Variants in TMED4 observed in about 807,000 individuals in gnomAD.
TMED4 encodes the protein transmembrane p24 trafficking protein 4, also known as transmembrane emp24 domain-containing protein 4.
A neutral mutation model predicts 26.5 loss-of-function variants in TMED4; 19 were observed. The ratio of observed to expected loss-of-function variants is 0.72; its 90% confidence interval spans 0.50 to 1.05. The LOEUF (loss-of-function observed/expected upper bound fraction) is 1.05. Ranked by LOEUF, TMED4 falls within the 50% of genes least tolerant of loss-of-function variation. The pLI is 0.00. For missense variants in TMED4, 303 were observed against 302.5 expected, an observed-to-expected ratio of 1.00 and a Z score of -0.01; for synonymous variants, 121 against 119.8, an observed-to-expected ratio of 1.01 and a Z score of -0.07.
rs375404719 is a variant in TMED4, at chr7:44,581,080, G to C, written c.534+13C>G. 7 of 1,614,012 alleles carry C rather than the reference G, an allele frequency of 4.3e-6. No homozygotes were observed. In the African/African-American group the frequency reaches 8.0e-5, roughly 18 times the overall value. On this transcript the variant is annotated intron_variant, in intron 4 of 4. Transcript: ENST00000457408. ...CAACTGCCCTCTCAAATTACAAGGA[G>C]ATATGCACTTGCCCTTTGGTAATCC...
rs1346199625 is a variant in TMED4, at chr7:44,578,863, A to T, written c.*616T>A. 1 of 120,718 alleles carries T rather than the reference A, an allele frequency of 8.3e-6. No homozygotes were observed. Among genetic ancestry groups the T allele is most frequent in the Non-Finnish European group, 1.6e-5 (1 of 60,674 alleles). The allele number at this position is 120,718 out of a possible 1,614,324, so 7.5% of individuals were successfully genotyped here. A position where few individuals can be genotyped will look rare whatever the true frequency, so the allele number is the denominator to read the frequency against. On this transcript the variant is annotated 3_prime_UTR_variant, in exon 5 of 5. Coordinates refer to ENST00000457408, the MANE Select transcript of TMED4 (RefSeq NM_182547.4). ...GCCTGGGCGACAAGAGCAAAACTCAAAAAAAAAAAAAAAAAAAAAAAAGGA... is the reference window on the plus strand; with the variant it reads ...GCCTGGGCGACAAGAGCAAAACTCATAAAAAAAAAAAAAAAAAAAAAAGGA...
chr7:44,581,435 G>A lies in TMED4; in HGVS notation c.387+14C>T. The A allele has an allele frequency of 6.2e-7, 1 of 1,614,126 alleles. No individual in the cohort carries two copies. The highest frequency in any genetic ancestry group is 8.5e-7 in the Non-Finnish European group (1 of 1,180,054). ...AGAGATTCTAAGCTGAAGCCAAAGAGAAAATCCTCTTACCAGTTTGCCACC... is the reference window on the plus strand; with the variant it reads ...AGAGATTCTAAGCTGAAGCCAAAGAAAAAATCCTCTTACCAGTTTGCCACC... On this transcript the variant is annotated intron_variant, in intron 3 of 4. Transcript: ENST00000457408.
chr7:44,581,771 C>G lies in TMED4; in HGVS notation c.213G>C (p.Ser71=), dbSNP rs747954933. ...WDKQKEVFLP[S]TPGLGMHVEV... ...CCACGTGCATGCCCAGGCCAGGGGTCGAGGGCAGGAAGACCTCCTTCTGCT... is the reference window on the plus strand; with the variant it reads ...CCACGTGCATGCCCAGGCCAGGGGTGGAGGGCAGGAAGACCTCCTTCTGCT... The change falls in exon 2 of 5, where the codon TCG becomes TCC. Residue 71 remains serine (S), a synonymous_variant. Transcript: ENST00000457408. 36 of 1,614,178 alleles carry G rather than the reference C, an allele frequency of 2.2e-5. No homozygotes were observed. The highest frequency in any genetic ancestry group is 3.0e-5 in the Non-Finnish European group (35 of 1,180,032).
At chr7:44,581,602 C>T (rs1802999482) in intron 2 of TMED4, 28 bp from the exon 3 acceptor site, 1 of 1,614,026 alleles carries the variant, frequency 6.2e-7, no homozygotes, top group Admixed American at 1.7e-5. Flanking sequence ...GAAGGCCCCA[C>T]CTTTATACCG....
In TMED4 at chr7:44,581,736, T is replaced by C. The variant is rs1361105976; in HGVS notation, c.248A>G (p.Asp83Gly). Residue 83 changes from aspartate (D) to glycine (G), a missense_variant, in exon 2 of 5, where the codon GAC (aspartate) becomes GGC (glycine). By Grantham distance (94) the Asp-to-Gly change is moderately conservative. Transcript: ENST00000457408. ...CGCCAGCCTTACCTTGCCGTCGGGG[T>C]CCTTCACTTCCACGTGCATGCCCAG... ...PGLGMHVEVK[D>G]PDGKVVLSRQ... 4 of 1,613,966 alleles carry C rather than the reference T, an allele frequency of 2.5e-6. No homozygotes were observed. In the Admixed American group the frequency reaches 6.7e-5, roughly 27 times the overall value.
chr7:44,581,202 T>A lies in TMED4; in HGVS notation c.425A>T (p.Asn142Ile). 1 of 1,614,122 alleles carries A rather than the reference T, an allele frequency of 6.2e-7. No homozygotes were observed. The highest frequency in any genetic ancestry group is 1.1e-5 in the South Asian group (1 of 91,080). ...TTTTGCAGCAATCTCAGGGTAGTTGTTGGCATGCTCCCCAACCTGGATGTC... is the reference window on the plus strand; with the variant it reads ...TTTTGCAGCAATCTCAGGGTAGTTGATGGCATGCTCCCCAACCTGGATGTC... ...HLDIQVGEHANNYPEIAAKDK... is the reference protein window; with the variant it reads ...HLDIQVGEHAINYPEIAAKDK... The change falls in exon 4 of 5, where the codon AAC (asparagine) becomes ATC (isoleucine). Residue 142 changes from asparagine (N) to isoleucine (I), a missense_variant. Transcript: ENST00000457408.
At chr7:44,580,592 TATAGA>T (rs1170305443) in intron 4 of TMED4, 2 of 161,118 alleles carry the variant, frequency 1.2e-5, no homozygotes, top group Non-Finnish European at 2.7e-5. Context: ...CACTGAACTA[TATAGA>T]CAGTTAAAAT....
In TMED4 at chr7:44,582,220, C is replaced by T. The variant is rs908325232; in HGVS notation, c.-14G>A. On this transcript the variant is annotated 5_prime_UTR_variant, in exon 1 of 5. Coordinates refer to ENST00000457408, the MANE Select transcript of TMED4 (RefSeq NM_182547.4). ...GACACCTGCCATCGCGCCTCAGCCCCTAAGCGCCTGCGCACATTTGCGCAT... is the reference window on the plus strand; with the variant it reads ...GACACCTGCCATCGCGCCTCAGCCCTTAAGCGCCTGCGCACATTTGCGCAT... 13 of 1,534,748 alleles carry T rather than the reference C, an allele frequency of 8.5e-6. No individual in the cohort carries two copies. Among genetic ancestry groups the T allele is most frequent in the African/African-American group, 1.4e-5 (1 of 71,958 alleles).
At chr7:44,581,874 C>T in intron 1 of TMED4, 51 bp from the exon 2 acceptor site, 1 of 1,598,266 alleles carries the variant, frequency 6.3e-7, no homozygotes, top group East Asian at 2.2e-5. Context: ...CGCCTCTCCG[C>T]CCGGCCCCCT....
rs372653488 is a variant in TMED4, at chr7:44,582,009, T to C, written c.160+38A>G. 1.2e-4 allele frequency: 191 copies of C among 1,534,270 alleles called. 1 individual carries two copies. The African/African-American group carries it at 1.4e-3, about 12-fold the overall frequency. ...GAGGGAGCGCCGCCGAGGGCTGAGC[T>C]GGGTACAAAGGGCCTCCCCACCCTC... On this transcript the variant is annotated intron_variant, in intron 1 of 4. Transcript: ENST00000457408.
rs751390009 is a variant in TMED4 at position 44,579,599 on chromosome 7, G to A, written c.564C>T (p.Ser188=). ...RYREERFRLT[S]ESTNQRVLWW... is the part of the protein sequence containing the mutation. ...ATAGGACCCTCTGGTTGGTGCTCTC[G>A]CTCGTCAGTCGGAAGCGCTCTTCAC... The change falls in exon 5 of 5, where the codon AGC becomes AGT. Residue 188 remains serine (S), a synonymous_variant. Transcript: ENST00000457408. The A allele has an allele frequency of 3.5e-5, 56 of 1,613,928 alleles. No homozygotes were observed. The highest frequency in any genetic ancestry group is 3.6e-5 in the Non-Finnish European group (42 of 1,179,972).
Position 44,579,469 on chromosome 7 carries a change from A to G in TMED4, c.*10T>C, listed in dbSNP as rs1802912228. On this transcript the variant is annotated 3_prime_UTR_variant, in exon 5 of 5. Coordinates refer to ENST00000457408, the MANE Select transcript of TMED4 (RefSeq NM_182547.4). ...ATGAGGTAAAAAGGAAGGGTCATACAAAGAGGGCACTACACCAGCTTCTTG... is the reference window on the plus strand; with the variant it reads ...ATGAGGTAAAAAGGAAGGGTCATACGAAGAGGGCACTACACCAGCTTCTTG... 1.9e-6 allele frequency: 3 copies of G among 1,611,462 alleles called. No homozygotes were observed. In the East Asian group the frequency reaches 6.7e-5, roughly 36 times the overall value.
In TMED4 at chr7:44,581,577, G is replaced by T; in HGVS notation, c.262-3C>A. On this transcript the variant is annotated splice_region_variant and splice_polypyrimidine_tract_variant and intron_variant, in intron 2 of 4. Transcript: ENST00000457408. ...CCGTACTGCCGGGACAGCACCACCT[G>T]CAACATATGTGAGTGAAGGCCCCAC... The T allele has an allele frequency of 6.2e-7, 1 of 1,614,172 alleles. No individual in the cohort carries two copies. The highest frequency in any genetic ancestry group is 8.5e-7 in the Non-Finnish European group (1 of 1,180,032).
rs755093753 is a variant in TMED4 at position 44,582,116 on chromosome 7, A to G, written c.91T>C (p.Tyr31His). The change falls in exon 1 of 5, where the codon TAC becomes CAC. Residue 31 changes from tyrosine to histidine, a missense_variant. Tyr to His is a moderately conservative substitution (Grantham distance 83). Transcript: ENST00000457408. ...TTCTCGGTCTCGCCGATGTGGAAGT[A>G]GAGCCCCTGGGCGCCTGTGGCGCAC... The part of the protein sequence containing the change: ...ALCATGAQGL[Y>H]FHIGETEKRC... 1 of 1,557,976 alleles carries G rather than the reference A, an allele frequency of 6.4e-7. No homozygotes were observed. The highest frequency in any genetic ancestry group is 1.9e-5 in the Admixed American group (1 of 51,686).
chr7:44,579,739 T>G, intron 4 of TMED4, 111 bp from the exon 5 acceptor site: 1 of 1,171,672 alleles, frequency 8.5e-7, no homozygotes, highest in Non-Finnish European at 1.2e-6. Flanking sequence ...TTTGGAATAC[T>G]ATCTGTGACT....
At chr7:44,581,983 G>A (rs1488760279) in intron 1 of TMED4, 64 bp downstream of exon 1, 2 of 1,523,456 alleles carry the variant, frequency 1.3e-6, no homozygotes, top group East Asian at 2.4e-5. Context: ...GGGCTCGGGA[G>A]GAGGGAGCGC....
intron 1 of TMED4, 107 bp downstream of exon 1, chr7:44,581,940 A>G: frequency 6.4e-7 from 1 of 1,551,444 alleles, no homozygotes; most frequent in Non-Finnish European, 8.8e-7. Context: ...GGGCACCCTC[A>G]GGCTAGGTAC....
In TMED4 at chr7:44,578,352, C is replaced by T. The variant is rs951976751; in HGVS notation, c.*1127G>A. ...TTTCACTGGAAAATTCTGTAAAGAA[C>T]TAAATCTGGTTCCCTTGAAGAAAAC... On this transcript the variant is annotated 3_prime_UTR_variant, in exon 5 of 5. Coordinates refer to ENST00000457408, the MANE Select transcript of TMED4 (RefSeq NM_182547.4). The T allele has an allele frequency of 1.3e-5, 2 of 152,194 alleles. No homozygotes were observed. The highest frequency in any genetic ancestry group is 2.9e-5 in the Non-Finnish European group (2 of 68,030). The allele number at this position is 152,194 out of a possible 1,614,324, so 9.4% of individuals were successfully genotyped here.
At position 44,577,982 on chromosome 7, in the gene TMED4, T is replaced by C. The variant is rs972054761; in HGVS notation, c.*1497A>G. 6.6e-6 allele frequency: 1 copy of C among 152,108 alleles called. No individual in the cohort carries two copies. Among genetic ancestry groups the C allele is most frequent in the African/African-American group, 2.4e-5 (1 of 41,414 alleles). 9.4% of individuals were successfully genotyped at this position (152,108 alleles called of 1,614,324 possible). On this transcript the variant is annotated 3_prime_UTR_variant, in exon 5 of 5. Transcript: ENST00000457408. Reference sequence around the variant, plus strand: ...TAAAATGTCAAGAATGGGGAACTAATGGTATTAAGTTTTATATAGAAGGGC... The same window carrying C: ...TAAAATGTCAAGAATGGGGAACTAACGGTATTAAGTTTTATATAGAAGGGC...
Sources: gnomAD v4.1 joint callset for allele counts on GRCh38, gnomAD v4.1.1 for gene constraint, MANE v1.5 for transcripts, NCBI Gene and HGNC (gene_info 2026-07-23, HGNC 2026-07-21) for gene names.